SLC25A35: variants seen among roughly 807,000 people sequenced by gnomAD.
The protein encoded by SLC25A35 is solute carrier family 25, member 35.
A neutral mutation model predicts 30.5 loss-of-function variants in SLC25A35; 32 were observed. The ratio of observed to expected loss-of-function variants is 1.05; its 90% CI spans 0.79 to 1.41. The LOEUF (loss-of-function observed/expected upper bound fraction) is 1.41. Among genes scored for constraint, SLC25A35 ranks in the 40% most tolerant of loss-of-function variants. The pLI, the probability that SLC25A35 is intolerant of heterozygous loss-of-function variation, is 0.00. For missense variants in SLC25A35, 369 were observed against 388.0 expected (o/e 0.95, Z 0.41); for synonymous variants, 142 against 158.1 (o/e 0.90, Z 0.77).
chr17:8,290,936 G>A lies in SLC25A35; in HGVS notation c.635C>T (p.Ala212Val). Residue 212 changes from alanine (A) to valine (V), a missense_variant, in exon 4 of 5, where the codon GCC (alanine) becomes GTC (valine). Coordinates refer to ENST00000577745, the MANE Select transcript of SLC25A35 (RefSeq NM_001320870.2). ...GACAACTGCAATGCCACTCATCATGGCAGCCACCAGCGCCAACTTCCAGCT... is the reference window on the plus strand; with the variant it reads ...GACAACTGCAATGCCACTCATCATGACAGCCACCAGCGCCAACTTCCAGCT... ...PQSWKLALVAAMMSGIAVVLA... is the reference protein window; with the variant it reads ...PQSWKLALVAVMMSGIAVVLA... The A allele has an allele frequency of 3.1e-6, 5 of 1,614,098 alleles. No individual in the cohort carries two copies. The highest frequency in any genetic ancestry group is 4.2e-6 in the Non-Finnish European group (5 of 1,179,996).
At chr17:8,292,174 T>G (rs986819143) in intron 2 of SLC25A35, among the ~76,000 whole-genome samples, 3 of 151,924 alleles carry the variant, frequency 2.0e-5, no homozygotes, top group African/African-American at 7.3e-5. Flanking sequence ...AGAGCAAGAC[T>G]CTGTCTCAAC....
At chr17:8,293,937 A>T in intron 1 of SLC25A35, among the ~76,000 whole-genome samples, 1 of 128,354 alleles carries the variant, frequency 7.8e-6, no homozygotes, top group African/African-American at 3.3e-5. Context: ...TTTTTGTGAG[A>T]CGTAGCCTTG....
In SLC25A35 at chr17:8,294,549, C is replaced by G; in HGVS notation, c.259G>C (p.Ala87Pro). 1 of 1,614,094 alleles carries G rather than the reference C, an allele frequency of 6.2e-7. No homozygotes were observed. Among genetic ancestry groups the G allele is most frequent in the Non-Finnish European group, 8.5e-7 (1 of 1,180,032 alleles). Residue 87 changes from alanine to proline, a missense_variant, in exon 1 of 5, where the codon GCT becomes CCT. Ala to Pro is a conservative substitution (Grantham distance 27, BLOSUM62 -1). Coordinates refer to ENST00000577745, the MANE Select transcript of SLC25A35 (RefSeq NM_001320870.2). Reference protein sequence around the residue: ...NGIRLGTYGLAEAGGYLHTAE... With the variant: ...NGIRLGTYGLPEAGGYLHTAE... ...GTGTGCAGGTAGCCCCCAGCCTCAG[C>G]CAGCCCATAGGTGCCCAGTCGGATG...
downstream of SLC25A35, chr17:8,288,828 T>A: frequency 6.2e-7 from 1 of 1,613,930 alleles, no homozygotes; most frequent in South Asian, 1.1e-5. Context: ...CGGGGGCGCC[T>A]TTTCCGCCAT....
In SLC25A35 at chr17:8,290,527, A is replaced by T; in HGVS notation, c.881T>A (p.Leu294His). 1 of 1,536,034 alleles carries T rather than the reference A, an allele frequency of 6.5e-7. No individual in the cohort carries two copies. Among genetic ancestry groups the T allele is most frequent in the Non-Finnish European group, 8.7e-7 (1 of 1,146,852 alleles). Residue 294 changes from leucine (L) to histidine (H), a missense_variant, in exon 5 of 5, where the codon CTC (leucine) becomes CAC (histidine). Leu to His is a moderately conservative substitution (Grantham distance 99). Coordinates refer to ENST00000577745, the MANE Select transcript of SLC25A35 (RefSeq NM_001320870.2). ...SLFFWDQLRS[L>H]YYTDTK is the part of the protein sequence containing the mutation. ...CTGTTATTTAGTGTCTGTGTAGTAGAGGGAGCGCAGCTGGTCCCAGAAGAA... is the reference window on the plus strand; with the variant it reads ...CTGTTATTTAGTGTCTGTGTAGTAGTGGGAGCGCAGCTGGTCCCAGAAGAA...
downstream of SLC25A35, chr17:8,289,442 T>C: frequency 1.2e-6 from 2 of 1,614,048 alleles, no homozygotes; most frequent in Non-Finnish European, 1.7e-6. Flanking sequence ...TGTAATGTCC[T>C]GGAAGGGCGG....
Position 8,290,897 on chromosome 17 carries a change from G to C in SLC25A35, c.674C>G (p.Pro225Arg). The change falls in exon 4 of 5, where the codon CCC (proline) becomes CGC (arginine). Residue 225 changes from proline to arginine, a missense_variant. Pro to Arg is a moderately radical substitution (Grantham distance 103). Transcript: ENST00000577745. ...GAGCCTTGTGCAGGCCACATCAAAG[G>C]GTGCCATGGCCAAGACAACTGCAAT... Reference protein sequence around the residue: ...SGIAVVLAMAPFDVACTRLYN... With the variant: ...SGIAVVLAMARFDVACTRLYN... 6.2e-7 allele frequency: 1 copy of C among 1,614,054 alleles called. No homozygotes were observed. Among genetic ancestry groups the C allele is most frequent in the Non-Finnish European group, 8.5e-7 (1 of 1,179,996 alleles).
In SLC25A35 at chr17:8,290,267, C is replaced by G; in HGVS notation, c.*238G>C. On this transcript the variant is annotated 3_prime_UTR_variant, in exon 5 of 5. Coordinates refer to ENST00000577745, the MANE Select transcript of SLC25A35 (RefSeq NM_001320870.2). ...TACACTTTGGGATGACTCGTTCAGC[C>G]CTGAGAGAGGGGTGTGAGTTACCCA... The G allele has an allele frequency of 1.7e-5, 24 of 1,425,974 alleles. No individual in the cohort carries two copies. The highest frequency in any genetic ancestry group is 2.2e-5 in the Non-Finnish European group (24 of 1,095,700). The allele number at this position is 1,425,974 out of a possible 1,614,324, so 88.3% of individuals were successfully genotyped here.
downstream of SLC25A35, chr17:8,289,465 A>G: frequency 6.2e-7 from 1 of 1,614,182 alleles, no homozygotes; most frequent in Non-Finnish European, 8.5e-7. Context: ...GCGGGGACGC[A>G]GAGATCCAGG....
chr17:8,295,231 AG>A lies in SLC25A35; in HGVS notation c.-425del. 2 of 992,950 alleles carry A rather than the reference AG, an allele frequency of 2.0e-6. No individual in the cohort carries two copies. Among genetic ancestry groups the A allele is most frequent in the Non-Finnish European group, 2.4e-6 (2 of 835,100 alleles). 61.5% of individuals were successfully genotyped at this position (992,950 alleles called of 1,614,324 possible). A position where few individuals can be genotyped will look rare whatever the true frequency, so the allele number is the denominator to read the frequency against. On this transcript the variant is annotated 5_prime_UTR_variant, in exon 1 of 5. Transcript: ENST00000577745. The stretch of plus-strand genomic sequence containing the variant: ...AAGTGAGAGAAGAAAAGGATCCGGG[AG>A]AAGAGCCGGTGATTTCCTCGAGCCA...
chr17:8,291,536 C>A (rs1313531619), intron 2 of SLC25A35, 51 bp from the exon 3 acceptor site: 13 of 1,549,928 alleles, frequency 8.4e-6, no homozygotes, highest in Admixed American at 1.9e-5. Context: ...GCATCAGGGG[C>A]TGCCATCCTA....
chr17:8,290,074 T>G lies in SLC25A35; in HGVS notation c.*431A>C, dbSNP rs1447614861. ...AGACAATCCCTCTTCAGAATAAACTTGCTTTATAATCAATATAATCTCTGT... is the reference window on the plus strand; with the variant it reads ...AGACAATCCCTCTTCAGAATAAACTGGCTTTATAATCAATATAATCTCTGT... On this transcript the variant is annotated 3_prime_UTR_variant, in exon 5 of 5. Transcript: ENST00000577745. 6 of 1,547,216 alleles carry G rather than the reference T, an allele frequency of 3.9e-6. No individual in the cohort carries two copies. In the African/African-American group the frequency reaches 8.3e-5, roughly 21 times the overall value.
chr17:8,289,311 A>T (rs1417826522), downstream of SLC25A35: 1 of 1,614,028 alleles, frequency 6.2e-7, no homozygotes, highest in Middle Eastern at 1.7e-4. Context: ...GTCCATGTGG[A>T]GTCTGTTCAG....
intron 3 of SLC25A35, 32 bp downstream of exon 3, chr17:8,291,301 C>G (rs766529575): frequency 6.2e-6 from 10 of 1,610,698 alleles, no homozygotes; most frequent in Admixed American, 3.3e-5. Flanking sequence ...CCCCCCTTCC[C>G]GAAACAGACC....
At position 8,294,764 on chromosome 17, in the gene SLC25A35, A is replaced by G. The variant is rs200322555; in HGVS notation, c.44T>C (p.Val15Ala). Residue 15 changes from valine to alanine, a missense_variant, in exon 1 of 5, where the codon GTA becomes GCA. Transcript: ENST00000577745. Reference sequence around the variant, plus strand: ...CACCACCTCCAGGGGATTGGTGAATACACAGGCCCCGCAGGCTGCCAGGCC... The same window carrying G: ...CACCACCTCCAGGGGATTGGTGAATGCACAGGCCCCGCAGGCTGCCAGGCC... ...MSGLAACGAC[V>A]FTNPLEVVKT... 5.5e-5 allele frequency: 89 copies of G among 1,608,954 alleles called. No homozygotes were observed. Among genetic ancestry groups the G allele is most frequent in the African/African-American group, 1.3e-5 (1 of 74,930 alleles).
chr17:8,289,971 T>C (rs552954632), downstream of SLC25A35: 17 of 1,613,236 alleles, frequency 1.1e-5, 1 homozygote, highest in Admixed American at 2.2e-4. Flanking sequence ...TGCTGAGAAC[T>C]TGGGGACTCG....
rs779250751 is a variant in SLC25A35, at chr17:8,294,594, A to T, written c.214T>A (p.Tyr72Asn). The change falls in exon 1 of 5, where the codon TAC becomes AAC. Residue 72 changes from tyrosine to asparagine, a missense_variant. Transcript: ENST00000577745. ...CGGATGCCATTCATCAGGAACTGGT[A>T]CAAGAGGGCGGGGGCCAGGCCTTTC... ...LQKGLAPALL[Y>N]QFLMNGIRLG... 6.2e-7 allele frequency: 1 copy of T among 1,614,216 alleles called. No homozygotes were observed. Among genetic ancestry groups the T allele is most frequent in the East Asian group, 2.2e-5 (1 of 44,876 alleles).
chr17:8,288,640 C>A, downstream of SLC25A35: 1 of 910,260 alleles, frequency 1.1e-6, no homozygotes, highest in Non-Finnish European at 1.8e-6. Context: ...CCAACGAGAG[C>A]GCAGGGCGGA....
At chr17:8,291,572 A>G in intron 2 of SLC25A35, 87 bp from the exon 3 acceptor site, 3 of 1,473,574 alleles carry the variant, frequency 2.0e-6, no homozygotes, top group African/African-American at 1.4e-5. Context: ...GGTCCTTAAT[A>G]GGAATCTCTT....
Sources: gnomAD v4.1 joint callset for allele counts (sites outside exome capture counted in the v4.1 genomes callset) on GRCh38, gnomAD v4.1.1 for gene constraint, MANE v1.5 for transcripts, NCBI Gene and HGNC (gene_info 2026-07-23, HGNC 2026-07-21) for gene names.